PTPN13: variants seen among roughly 807,000 people sequenced by gnomAD.
PTPN13 encodes protein tyrosine phosphatase non-receptor type 13.
PTPN13 carries 191 observed loss-of-function variants against 284.0 expected under a neutral mutation model. The observed-to-expected ratio is 0.67, with a 90% confidence interval of 0.60 to 0.76. The LOEUF (loss-of-function observed/expected upper bound fraction) is 0.76. Ranked by LOEUF, PTPN13 falls within the 30% of genes least tolerant of loss-of-function variation. PTPN13 has a pLI of 0.00. For synonymous variants in PTPN13, 986 were observed against 1,022.3 expected, an observed-to-expected ratio of 0.96 and a Z score of 0.68; for missense variants, 2,797 against 2,939.9, an observed-to-expected ratio of 0.95 and a Z score of 1.12.
intron 10 of PTPN13, among the ~76,000 whole-genome samples, chr4:86,723,774 A>C (rs927160534): frequency 4.6e-5 from 7 of 152,158 alleles, no homozygotes; most frequent in African/African-American, 1.7e-4. Context: ...GCAATATTTC[A>C]TTTGTAACAT....
chr4:86,771,442 G>C lies in PTPN13; in HGVS notation c.5075G>C (p.Ser1692Thr). The C allele has an allele frequency of 6.4e-7, 1 of 1,565,672 alleles. No individual in the cohort carries two copies. The highest frequency in any genetic ancestry group is 8.7e-7 in the Non-Finnish European group (1 of 1,153,540). ...AGCAACATGGTATCACAGGCACAGA[G>C]TCATCATGAAGCACCCAAGAGTCAA... ...TLSNMVSQAQ[S>T]HHEAPKSQED... The change falls in exon 31 of 48, where the codon AGT becomes ACT. Residue 1692 changes from serine to threonine, a missense_variant. By Grantham distance (58) the Ser-to-Thr change is moderately conservative. Transcript: ENST00000411767.
At chr4:86,620,092 A>G (rs998471382) in intron 1 of PTPN13, among the ~76,000 whole-genome samples, 1 of 152,230 alleles carries the variant, frequency 6.6e-6, no homozygotes, top group African/African-American at 2.4e-5. Flanking sequence ...CATTTAAAAA[A>G]TATTAAATAA....
intron 2 of PTPN13, among the ~76,000 whole-genome samples, chr4:86,648,420 TA>T (rs1724688566): frequency 6.6e-6 from 1 of 152,154 alleles, no homozygotes; most frequent in Non-Finnish European, 1.5e-5. Flanking sequence ...TTCTACTCTC[TA>T]TTTCCATGAG....
chr4:86,636,765 G>C (rs1723066947), intron 2 of PTPN13, among the ~76,000 whole-genome samples: 1 of 152,030 alleles, frequency 6.6e-6, no homozygotes, highest in South Asian at 2.1e-4. Context: ...ACAATTGAAA[G>C]AACTAGAAAA....
At chr4:86,808,274 A>C (rs1310534267) in intron 45 of PTPN13, among the ~76,000 whole-genome samples, 1 of 152,256 alleles carries the variant, frequency 6.6e-6, no homozygotes, top group African/African-American at 2.4e-5. Flanking sequence ...TTTAAGTAGA[A>C]AATATTCCCT....
chr4:86,805,330 GA>G lies in PTPN13; in HGVS notation c.6710del (p.Asn2237ThrfsTer60). On this transcript the variant is annotated frameshift_variant, in exon 44 of 48. Transcript: ENST00000411767. LOFTEE classifies it high-confidence loss of function. ...TCAGTGTCTAATTGGGCAAACTAAG[GA>G]AAACAGAAGGAAGAACAGATATAAA... ...LDQCLIGQTK[E>X]NRRKNRYKNI... is the part of the protein sequence containing the mutation. The G allele has an allele frequency of 6.2e-7, 1 of 1,601,502 alleles. No individual in the cohort carries two copies.
At position 86,763,995 on chromosome 4, in the gene PTPN13, G is replaced by C. The variant is rs115243362; in HGVS notation, c.4018-598G>C. 1.1e-3 allele frequency among the ~76,000 whole-genome samples: 173 copies of C among 152,014 alleles called. 1 individual carries two copies. Among genetic ancestry groups the C allele is most frequent in the African/African-American group, 3.9e-3 (163 of 41,466 alleles). The stretch of plus-strand genomic sequence containing the variant: ...AAGCAGTTTTAGAAAAAAATCTAAC[G>C]CCTTTTGTTTACTGAAAAATCAACA... On this transcript the variant is annotated intron_variant, in intron 24 of 47. Coordinates refer to ENST00000411767, the MANE Select transcript of PTPN13 (RefSeq NM_080683.3).
intron 2 of PTPN13, among the ~76,000 whole-genome samples, chr4:86,646,875 A>C (rs79504098): frequency 0.046 from 7,045 of 152,300 alleles, 217 homozygotes; most frequent in African/African-American, 0.06. Context: ...GAAACGCTAC[A>C]CATCAATAAA....
intron 28 of PTPN13, among the ~76,000 whole-genome samples, 168 bp from the exon 29 acceptor site, chr4:86,769,601 G>A (rs1739743532): frequency 6.6e-6 from 1 of 152,174 alleles, no homozygotes; most frequent in Admixed American, 6.5e-5. Context: ...GAAATAGACT[G>A]TAAGATACAG....
intron 15 of PTPN13, among the ~76,000 whole-genome samples, chr4:86,737,315 A>G (rs1237637382): frequency 6.6e-6 from 1 of 152,044 alleles, no homozygotes; most frequent in Non-Finnish European, 1.5e-5. Flanking sequence ...AAATATGTAT[A>G]CAGTTCAGCA....
chr4:86,756,026 T>C lies in PTPN13; in HGVS notation c.3224-2234T>C, dbSNP rs563414685. On this transcript the variant is annotated intron_variant, in intron 20 of 47. Transcript: ENST00000411767. ...TTTGATTTTCTGGGAACTGTATGCC[T>C]AATGGACTTATTAAGTACCTACCAT... is the stretch of plus-strand genomic sequence containing the variant. Among the ~76,000 whole-genome samples, 212 of 151,864 alleles carry C rather than the reference T, an allele frequency of 1.4e-3. 2 individuals carry two copies. Among genetic ancestry groups the C allele is most frequent in the African/African-American group, 4.9e-3 (203 of 41,472 alleles).
intron 27 of PTPN13, among the ~76,000 whole-genome samples, chr4:86,767,243 T>G (rs1285615479): frequency 1.0e-5 from 1 of 97,484 alleles, no homozygotes; most frequent in Non-Finnish European, 2.1e-5. Context: ...CACACCTGGC[T>G]TTTTTTTTTT....
intron 2 of PTPN13, among the ~76,000 whole-genome samples, chr4:86,663,801 T>C (rs1347889742): frequency 6.6e-6 from 1 of 152,152 alleles, no homozygotes; most frequent in African/African-American, 2.4e-5. Flanking sequence ...ATAATTTGGA[T>C]AAAATAGTTA....
At chr4:86,707,791 C>A (rs1214768880) in intron 7 of PTPN13, among the ~76,000 whole-genome samples, 1 of 152,000 alleles carries the variant, frequency 6.6e-6, no homozygotes, top group African/African-American at 2.4e-5. Context: ...TGATTTATAT[C>A]AGTTCCACAA....
At chr4:86,758,875 G>T in intron 22 of PTPN13, 67 bp from the exon 23 acceptor site, 2 of 1,584,302 alleles carry the variant, frequency 1.3e-6, no homozygotes, top group East Asian at 2.2e-5. Context: ...AGAAAGAGAT[G>T]ATATTTCTAA....
In PTPN13 at chr4:86,701,287, C is replaced by A. The variant is rs1426589433; in HGVS notation, c.681C>A (p.Leu227=). Residue 227 remains leucine, a synonymous_variant, in exon 7 of 48, where the codon CTC becomes CTA. Transcript: ENST00000411767. ...SDVLDIQKPP[L]SHQTFLNKGL... Reference sequence around the variant, plus strand: ...TACTAGACATACAAAAGCCTCCACTCTCTCATCAGACCTTTCTTAACAAAG... The same window carrying A: ...TACTAGACATACAAAAGCCTCCACTATCTCATCAGACCTTTCTTAACAAAG... 2 of 1,607,078 alleles carry A rather than the reference C, an allele frequency of 1.2e-6. No homozygotes were observed. The highest frequency in any genetic ancestry group is 2.2e-5 in the South Asian group (2 of 89,384).
At chr4:86,684,079 A>T (rs1420830355) in intron 3 of PTPN13, among the ~76,000 whole-genome samples, 1 of 151,830 alleles carries the variant, frequency 6.6e-6, no homozygotes, top group Admixed American at 6.6e-5. Context: ...GTTACTTGCT[A>T]AGAGGGATAC....
Position 86,810,001 on chromosome 4 carries a change from G to A in PTPN13, c.7299+17G>A. On this transcript the variant is annotated intron_variant, in intron 46 of 47. Coordinates refer to ENST00000411767, the MANE Select transcript of PTPN13 (RefSeq NM_080683.3). ...GATCTTGATGTGAGTACAAGATATT[G>A]GCTGAGTAAGCATTTGTTCAGAAAT... is the stretch of plus-strand genomic sequence containing the variant. 6.3e-7 allele frequency: 1 copy of A among 1,594,552 alleles called. No homozygotes were observed. The highest frequency in any genetic ancestry group is 1.3e-5 in the African/African-American group (1 of 74,584).
chr4:86,769,899 G>A lies in PTPN13; in HGVS notation c.4620G>A (p.Gln1540=), dbSNP rs1739785393. Residue 1540 remains glutamine, a synonymous_variant, in exon 29 of 48, where the codon CAG becomes CAA. Transcript: ENST00000411767. ...IVRVKKLFPG[Q]PAAESGKIDV... ...GGGTTAAAAAGCTCTTTCCTGGACA[G>A]CCAGCAGCAGAAAGTGGAAAAATTG... is the stretch of plus-strand genomic sequence containing the variant. 1 of 1,613,822 alleles carries A rather than the reference G, an allele frequency of 6.2e-7. No individual in the cohort carries two copies. Among genetic ancestry groups the A allele is most frequent in the South Asian group, 1.1e-5 (1 of 91,084 alleles).
Sources: gnomAD v4.1 joint callset for allele counts (sites outside exome capture counted in the v4.1 genomes callset) on GRCh38, gnomAD v4.1.1 for gene constraint, MANE v1.5 for transcripts, NCBI Gene and HGNC (gene_info 2026-07-23, HGNC 2026-07-21) for gene names.